Variants in MOV10L1 observed in about 807,000 individuals in gnomAD.
The protein encoded by MOV10L1 is RNA helicase Mov10l1.
In MOV10L1, 110 loss-of-function variants were observed where a neutral mutation model predicts 143.8. The observed-to-expected ratio is 0.76, with a 90% CI of 0.66 to 0.90. The LOEUF is 0.90. MOV10L1 is among the 40% of genes least tolerant of loss of function. The pLI is 0.00. For synonymous variants in MOV10L1, 593 were observed against 581.1 expected (o/e 1.02, Z -0.29); for missense variants, 1,406 against 1,526.8 (o/e 0.92, Z 1.32).
intron 13 of MOV10L1, among the ~76,000 whole-genome samples, chr22:50,129,373 C>A (rs935040162): frequency 2.6e-5 from 4 of 152,170 alleles, no homozygotes; most frequent in Non-Finnish European, 5.9e-5. Context: ...AGTTTTAATT[C>A]TTTTGAACTT....
rs775083847 is a variant in MOV10L1 at position 50,134,094 on chromosome 22, C to T, written c.1969+29C>T. ...TTACTTTTATAGAATGATAGTGTTA[C>T]ATCTTCACAGAGTATTTTTATAGGC... On this transcript the variant is annotated intron_variant, in intron 14 of 26. Transcript: ENST00000262794. 3.2e-6 allele frequency: 5 copies of T among 1,557,648 alleles called. No homozygotes were observed. The East Asian group carries it at 1.1e-4, about 35-fold the overall frequency.
At chr22:50,131,161 G>T (rs1054366627) in intron 13 of MOV10L1, among the ~76,000 whole-genome samples, 2 of 151,456 alleles carry the variant, frequency 1.3e-5, no homozygotes, top group African/African-American at 4.9e-5. Flanking sequence ...GCCCACCTTG[G>T]CCTCCCAAAG....
At chr22:50,137,733 T>C (rs56760292) in intron 15 of MOV10L1, among the ~76,000 whole-genome samples, 1,831 of 114,696 alleles carry the variant, frequency 0.016, 90 homozygotes, top group East Asian at 0.046. Flanking sequence ...TACACATATA[T>C]ATATTTTATA....
chr22:50,096,953 T>C (rs945937325), intron 2 of MOV10L1, among the ~76,000 whole-genome samples: 1 of 152,268 alleles, frequency 6.6e-6, no homozygotes, highest in Non-Finnish European at 1.5e-5. Flanking sequence ...TATCCTTTGA[T>C]GCACAGATGT....
At chr22:50,134,691 T>C (rs2062772335) in intron 15 of MOV10L1, 61 bp downstream of exon 15, 3 of 1,455,942 alleles carry the variant, frequency 2.1e-6, no homozygotes, top group Non-Finnish European at 2.9e-6. Flanking sequence ...TGGCTGTCTT[T>C]ACATAGGGGG....
At chr22:50,112,512 C>T (rs535404368) in intron 5 of MOV10L1, among the ~76,000 whole-genome samples, 7 of 152,294 alleles carry the variant, frequency 4.6e-5, no homozygotes, top group African/African-American at 7.2e-5. Flanking sequence ...CAGCACAGCA[C>T]GGAACCCGCA....
Position 50,161,487 on chromosome 22 carries a change from C to T in MOV10L1, c.*38C>T. 2 of 1,547,432 alleles carry T rather than the reference C, an allele frequency of 1.3e-6. No individual in the cohort carries two copies. The highest frequency in any genetic ancestry group is 1.4e-5 in the African/African-American group (1 of 73,240). On this transcript the variant is annotated 3_prime_UTR_variant, in exon 27 of 27. Transcript: ENST00000262794. ...GACAGCAGGGAGGCCATGTGCTCAGCCTGGCCACGTTGCCGTTACAGTCTG... is the reference window on the plus strand; with the variant it reads ...GACAGCAGGGAGGCCATGTGCTCAGTCTGGCCACGTTGCCGTTACAGTCTG...
intron 6 of MOV10L1, among the ~76,000 whole-genome samples, chr22:50,114,075 C>T (rs895493849): frequency 3.3e-5 from 5 of 151,834 alleles, no homozygotes; most frequent in Non-Finnish European, 5.9e-5. Flanking sequence ...CCCGCCACCA[C>T]GCCCGGCTAA....
chr22:50,141,495 A>ATTTTTTT lies in MOV10L1; in HGVS notation c.2071-576_2071-570dup, dbSNP rs56881561. ...AGGTGAGCACCACCATGCCCGGCTAATTTTTTTTTTTTTTTTGTATTTTTG... is the reference window on the plus strand; with the variant it reads ...AGGTGAGCACCACCATGCCCGGCTAATTTTTTTTTTTTTTTTTTTTTTTGTATTTTTG... On this transcript the variant is annotated intron_variant, in intron 15 of 26. Coordinates refer to ENST00000262794, the MANE Select transcript of MOV10L1 (RefSeq NM_018995.3). Among the ~76,000 whole-genome samples the ATTTTTTT allele has an allele frequency of 1.0e-3, 138 of 138,142 alleles. 2 individuals are homozygous for ATTTTTTT. Among genetic ancestry groups the ATTTTTTT allele is most frequent in the East Asian group, 2.5e-3 (12 of 4,708 alleles). The allele number at this position is 138,142 out of a possible 152,430, so 90.6% of individuals were successfully genotyped here.
intron 25 of MOV10L1, 43 bp downstream of exon 25, chr22:50,160,868 G>A: frequency 6.2e-7 from 1 of 1,613,236 alleles, no homozygotes; most frequent in Non-Finnish European, 8.5e-7. Context: ...ACTTAAGGAG[G>A]GAGGGTCCGG....
At chr22:50,160,229 C>G (rs1055396783) in intron 24 of MOV10L1, among the ~76,000 whole-genome samples, 3 of 151,198 alleles carry the variant, frequency 2.0e-5, no homozygotes, top group African/African-American at 7.3e-5. Flanking sequence ...CCCCTCCCCC[C>G]ACCTCCTGTT....
In MOV10L1 at chr22:50,153,060, A is replaced by C; in HGVS notation, c.2908A>C (p.Lys970Gln). Residue 970 changes from lysine to glutamine, a missense_variant, in exon 22 of 27, where the codon AAG (lysine) becomes CAG (glutamine). Around this residue, in one of 3 missense-constraint regions of MOV10L1, gnomAD observed 1,233 missense variants for 1,351.4 expected, o/e 0.91. Transcript: ENST00000262794. Reference protein sequence around the residue: ...HNPLLVTKLVKNYRSHEALLM... With the variant: ...HNPLLVTKLVQNYRSHEALLM... ...CTCCTCGCAGGTCACAAAGCTGGTG[A>C]AGAACTACCGGTCCCACGAGGCCCT... The C allele has an allele frequency of 6.2e-7, 1 of 1,606,776 alleles. No homozygotes were observed.
intron 7 of MOV10L1, 124 bp downstream of exon 7, chr22:50,114,746 C>G: frequency 1.4e-6 from 2 of 1,395,492 alleles, no homozygotes. Flanking sequence ...GCTTTGTGCT[C>G]TGAGCTCTTC....
intron 26 of MOV10L1, 146 bp from the exon 27 acceptor site, chr22:50,161,222 G>C: frequency 1.0e-6 from 1 of 988,454 alleles, no homozygotes; most frequent in Non-Finnish European, 1.5e-6. Flanking sequence ...CTGTTTCCTG[G>C]ACATTTGGGG....
chr22:50,135,436 G>A (rs2062797967), intron 15 of MOV10L1, among the ~76,000 whole-genome samples: 1 of 152,022 alleles, frequency 6.6e-6, no homozygotes, highest in Non-Finnish European at 1.5e-5. Context: ...TGCAAACTTT[G>A]TGAATGTTGC....
At chr22:50,090,435 CTT>C in intron 1 of MOV10L1, 1 of 1,599,638 alleles carries the variant, frequency 6.3e-7, no homozygotes, top group Non-Finnish European at 8.5e-7. Flanking sequence ...CCCGCCCTCA[CTT>C]TGTGTGTTTA....
chr22:50,151,568 C>A (rs1021209892), intron 21 of MOV10L1, among the ~76,000 whole-genome samples: 1 of 143,120 alleles, frequency 7.0e-6, no homozygotes, highest in Non-Finnish European at 1.6e-5. Flanking sequence ...AGGGACTACC[C>A]GCAAGACAGG....
Position 50,113,798 on chromosome 22 carries a change from C to A in MOV10L1, c.884+10C>A. ...TGGTGATCTGGATAGAGTGAGTTTGCCACTGAAACATTTTCTATAAAGCTA... is the reference window on the plus strand; with the variant it reads ...TGGTGATCTGGATAGAGTGAGTTTGACACTGAAACATTTTCTATAAAGCTA... On this transcript the variant is annotated intron_variant, in intron 6 of 26. Transcript: ENST00000262794. 6.4e-7 allele frequency: 1 copy of A among 1,573,866 alleles called. No individual in the cohort carries two copies.
chr22:50,132,897 G>A (rs150625299), intron 13 of MOV10L1, among the ~76,000 whole-genome samples: 96 of 152,258 alleles, frequency 6.3e-4, no homozygotes, highest in African/African-American at 2.2e-3. Flanking sequence ...TCAGCCGGGC[G>A]TGGTAGTGGT....
Sources: gnomAD v4.1 joint callset for allele counts (sites outside exome capture counted in the v4.1 genomes callset) on GRCh38, gnomAD v4.1.1 for gene constraint, gnomAD v4.1.1 regional missense constraint, MANE v1.5 for transcripts, NCBI Gene and HGNC (gene_info 2026-07-23, HGNC 2026-07-21) for gene names.